CSMD2: variants seen among roughly 807,000 people sequenced by gnomAD.
The protein encoded by CSMD2 is CUB and sushi domain-containing protein 2.
Under a neutral mutation model 398.5 loss-of-function variants are expected in CSMD2, and 130 were observed. That is an observed-to-expected ratio of 0.33 (90% CI 0.28 to 0.38). The LOEUF is 0.38. Among genes scored for constraint, CSMD2 ranks in the 10% least tolerant of loss-of-function variants. The pLI is 1.00. For synonymous variants in CSMD2, 1,828 were observed against 1,908.5 expected, an observed-to-expected ratio of 0.96 and a Z score of 1.10; for missense variants, 3,829 against 4,764.9, an observed-to-expected ratio of 0.80 and a Z score of 5.78.
intron 3 of CSMD2, among the ~76,000 whole-genome samples, chr1:34,001,474 A>G (rs1055257148): frequency 1.3e-5 from 2 of 152,208 alleles, no homozygotes; most frequent in Non-Finnish European, 2.9e-5. Flanking sequence ...TTGGCCTCCA[A>G]TCAAGCCATT....
intron 13 of CSMD2, among the ~76,000 whole-genome samples, chr1:33,745,286 G>A (rs778063500): frequency 2.0e-4 from 30 of 152,232 alleles, no homozygotes; most frequent in East Asian, 5.8e-4. Context: ...GGTCGTAGGC[G>A]TTCAAAATGA....
intron 48 of CSMD2, among the ~76,000 whole-genome samples, chr1:33,579,915 G>A (rs2148722117): frequency 6.6e-6 from 1 of 152,264 alleles, no homozygotes. Flanking sequence ...CTGACCTCAG[G>A]TGATCTGCCC....
At chr1:33,851,699 T>C (rs1638719099) in intron 5 of CSMD2, among the ~76,000 whole-genome samples, 1 of 152,222 alleles carries the variant, frequency 6.6e-6, no homozygotes, top group South Asian at 2.1e-4. Context: ...CTTTAATGAC[T>C]CAGCCTTGAC....
At chr1:33,866,268 G>A (rs951324513) in intron 5 of CSMD2, among the ~76,000 whole-genome samples, 2 of 152,146 alleles carry the variant, frequency 1.3e-5, no homozygotes, top group Admixed American at 6.5e-5. Flanking sequence ...GGCACATTAC[G>A]CACTACTGCT....
chr1:33,906,277 T>C (rs895066988), intron 5 of CSMD2, among the ~76,000 whole-genome samples: 3 of 152,222 alleles, frequency 2.0e-5, no homozygotes, highest in African/African-American at 7.2e-5. Context: ...AGATGGGCCT[T>C]GTGTGCCCTA....
At chr1:33,699,320 C>G (rs192713747) in intron 23 of CSMD2, among the ~76,000 whole-genome samples, 5 of 152,236 alleles carry the variant, frequency 3.3e-5, no homozygotes, top group African/African-American at 1.2e-4. Context: ...TGTTTAAAAG[C>G]TGAGTTATGA....
chr1:33,675,582 G>A lies in CSMD2; in HGVS notation c.4053-12490C>T, dbSNP rs185685043. Among the ~76,000 whole-genome samples, 8 of 152,332 alleles carry A rather than the reference G, an allele frequency of 5.3e-5. No homozygotes were observed. The East Asian group carries it at 1.5e-3, about 29-fold the overall frequency. On this transcript the variant is annotated intron_variant, in intron 25 of 70. Transcript: ENST00000373381. ...GAAACTATTCCAATCAACAGAAAAA[G>A]AGGGAATCCTCCCTAACTCATTTTA...
intron 15 of CSMD2, among the ~76,000 whole-genome samples, chr1:33,735,160 T>G (rs931492790): frequency 3.9e-5 from 6 of 152,216 alleles, no homozygotes; most frequent in African/African-American, 1.4e-4. Flanking sequence ...GTGATATAAT[T>G]CAAGAAAAAT....
chr1:33,624,780 G>T lies in CSMD2; in HGVS notation c.5501-137C>A. The T allele has an allele frequency of 8.2e-7, 1 of 1,214,748 alleles. No homozygotes were observed. Among genetic ancestry groups the T allele is most frequent in the Non-Finnish European group, 1.1e-6 (1 of 886,284 alleles). The allele number at this position is 1,214,748 out of a possible 1,614,324, so 75.2% of individuals were successfully genotyped here. A position where few individuals can be genotyped will look rare whatever the true frequency, so the allele number is the denominator to read the frequency against. On this transcript the variant is annotated intron_variant, in intron 34 of 70. Coordinates refer to ENST00000373381, the MANE Select transcript of CSMD2 (RefSeq NM_001281956.2). This position sits in a 1 kb window ranked among gnomAD's most constrained non-coding sequence, Gnocchi z 4.7. ...GTGTCTCCCTAATGTCCCCAGTCCT[G>T]CCTTCTCCACGGCCTCTCCCCATGC...
At chr1:33,768,077 G>A (rs1387831120) in intron 13 of CSMD2, among the ~76,000 whole-genome samples, 1 of 152,126 alleles carries the variant, frequency 6.6e-6, no homozygotes. Flanking sequence ...TAACACAGTA[G>A]GGAGGACTCA....
Position 33,618,023 on chromosome 1 carries a change from G to GAGACAGAGAC in CSMD2, c.5828-407_5828-406insGTCTCTGTCT, listed in dbSNP as rs755653174. Among the ~76,000 whole-genome samples, 169 of 152,108 alleles carry GAGACAGAGAC rather than the reference G, an allele frequency of 1.1e-3. 1 individual carries two copies. The highest frequency in any genetic ancestry group is 1.3e-3 in the Non-Finnish European group (87 of 67,994). On this transcript the variant is annotated intron_variant, in intron 37 of 70. Transcript: ENST00000373381. ...GACAGATCCTGTGGGCTAAGACAGA[G>GAGACAGAGAC]AGACAGAGAGAGAGAGAGGGAAAAG...
chr1:33,982,476 G>A (rs1054473262), intron 3 of CSMD2, among the ~76,000 whole-genome samples: 3 of 152,224 alleles, frequency 2.0e-5, no homozygotes, highest in Non-Finnish European at 4.4e-5. Context: ...AACTGTGGAA[G>A]GGAGGAGAGA....
intron 25 of CSMD2, among the ~76,000 whole-genome samples, chr1:33,671,487 A>T (rs1374759192): frequency 6.6e-6 from 1 of 152,076 alleles, no homozygotes; most frequent in Non-Finnish European, 1.5e-5. Context: ...TGCTGGCTGC[A>T]GGGACACCCT....
At chr1:33,536,983 T>C in intron 62 of CSMD2, 39 bp downstream of exon 62, 1 of 1,587,254 alleles carries the variant, frequency 6.3e-7, no homozygotes, top group Non-Finnish European at 8.7e-7. Flanking sequence ...CAAGAAGGGA[T>C]AGGATGTAGG....
At chr1:33,545,948 TGAGCG>T in intron 57 of CSMD2, 84 bp downstream of exon 57, 1 of 1,312,638 alleles carries the variant, frequency 7.6e-7, no homozygotes, top group Admixed American at 2.1e-5. Context: ...TTTTTTTCTG[TGAGCG>T]CAGGTGCCTG....
chr1:33,655,908 C>T (rs1172047220), intron 27 of CSMD2, among the ~76,000 whole-genome samples: 2 of 152,220 alleles, frequency 1.3e-5, no homozygotes, highest in East Asian at 3.9e-4. Flanking sequence ...TATTGCTCTC[C>T]TCAGCTTAGC....
intron 3 of CSMD2, among the ~76,000 whole-genome samples, chr1:33,951,282 T>C (rs1645000733): frequency 6.6e-6 from 1 of 152,244 alleles, no homozygotes; most frequent in African/African-American, 2.4e-5. Context: ...AAGAGGCACA[T>C]GGCTTACTGG....
chr1:33,990,577 C>G (rs968652930), intron 3 of CSMD2, among the ~76,000 whole-genome samples: 7 of 152,112 alleles, frequency 4.6e-5, no homozygotes, highest in African/African-American at 1.7e-4. Context: ...CTCTTCCACA[C>G]CCTGGGGAGA....
intron 13 of CSMD2, among the ~76,000 whole-genome samples, chr1:33,763,085 C>T (rs924706138): frequency 9.9e-5 from 15 of 152,234 alleles, no homozygotes; most frequent in Non-Finnish European, 1.8e-4. Context: ...ATGAACACAA[C>T]GTATCACCAC....
Sources: allele counts gnomAD v4.1 joint callset (sites outside exome capture counted in the v4.1 genomes callset), GRCh38; gene constraint gnomAD v4.1.1; non-coding constraint Gnocchi (gnomAD v3.1); transcripts MANE v1.5; gene names NCBI Gene and HGNC (gene_info 2026-07-23, HGNC 2026-07-21).